Variants in TMEM132D observed in about 807,000 individuals in gnomAD.
TMEM132D encodes transmembrane protein 132D.
A neutral mutation model predicts 62.3 loss-of-function variants in TMEM132D; 21 were observed. The ratio of observed to expected loss-of-function variants is 0.34; its 90% confidence interval spans 0.24 to 0.49. TMEM132D has a LOEUF of 0.49. Ranked by LOEUF, TMEM132D falls within the 20% of genes least tolerant of loss-of-function variation. The pLI is 0.99. For synonymous variants in TMEM132D, 621 were observed against 575.6 expected, an observed-to-expected ratio of 1.08 and a Z score of -1.13; for missense variants, 1,346 against 1,402.8, an observed-to-expected ratio of 0.96 and a Z score of 0.65.
chr12:129,479,315 G>A (rs1379739079), intron 3 of TMEM132D, among the ~76,000 whole-genome samples: 3 of 152,116 alleles, frequency 2.0e-5, no homozygotes, highest in Non-Finnish European at 4.4e-5. Context: ...CAAATTTAAG[G>A]ATCCTGGGCT....
rs147884548 is a variant in TMEM132D at position 129,581,823 on chromosome 12, G to A, written c.969-50618C>T. On this transcript the variant is annotated intron_variant, in intron 2 of 8. Coordinates refer to ENST00000422113, the MANE Select transcript of TMEM132D (RefSeq NM_133448.3). The stretch of plus-strand genomic sequence containing the variant: ...ACTTTGCATCCTTCAATCCAATGAC[G>A]TTGGCAATATTAACCATCACACCAA... Among the ~76,000 whole-genome samples, 51 of 152,298 alleles carry A rather than the reference G, an allele frequency of 3.3e-4. No individual in the cohort carries two copies. In the East Asian group the frequency reaches 4.2e-3, roughly 13 times the overall value.
At chr12:129,483,641 A>G (rs1382102664) in intron 3 of TMEM132D, among the ~76,000 whole-genome samples, 1 of 152,216 alleles carries the variant, frequency 6.6e-6, no homozygotes, top group Non-Finnish European at 1.5e-5. Context: ...GTGAACACAA[A>G]CGCTGCCAGC....
intron 5 of TMEM132D, among the ~76,000 whole-genome samples, chr12:129,188,684 G>A (rs1202294618): frequency 6.8e-6 from 1 of 147,178 alleles, no homozygotes; most frequent in East Asian, 2.1e-4. Context: ...GATGAAACTA[G>A]ATGATTGATA....
At chr12:129,743,083 G>A (rs1446652716) in intron 1 of TMEM132D, among the ~76,000 whole-genome samples, 2 of 152,230 alleles carry the variant, frequency 1.3e-5, no homozygotes, top group African/African-American at 4.8e-5. Context: ...CTCATGGCCT[G>A]GGCCTTCCAT....
chr12:129,092,434 T>A (rs1342542471), intron 5 of TMEM132D, among the ~76,000 whole-genome samples: 1 of 152,018 alleles, frequency 6.6e-6, no homozygotes, highest in Non-Finnish European at 1.5e-5. Context: ...AGGTAGCACC[T>A]TTTTGTGCTT....
intron 3 of TMEM132D, among the ~76,000 whole-genome samples, chr12:129,489,489 A>C (rs1874692816): frequency 6.6e-6 from 1 of 152,262 alleles, no homozygotes; most frequent in African/African-American, 2.4e-5. Flanking sequence ...TGCCTACAAT[A>C]AAATGATAAA....
At chr12:129,456,743 C>T (rs1220095746) in intron 3 of TMEM132D, among the ~76,000 whole-genome samples, 1 of 152,168 alleles carries the variant, frequency 6.6e-6, no homozygotes, top group Admixed American at 6.6e-5. Context: ...TCATCCCAGT[C>T]CACTCTTGTT....
At chr12:129,336,370 G>A (rs962215355) in intron 4 of TMEM132D, among the ~76,000 whole-genome samples, 2 of 152,096 alleles carry the variant, frequency 1.3e-5, no homozygotes, top group African/African-American at 2.4e-5. Flanking sequence ...GAGGTCAAGA[G>A]TTCAAGACAA....
intron 1 of TMEM132D, among the ~76,000 whole-genome samples, chr12:129,899,328 G>A (rs1484818781): frequency 2.2e-5 from 3 of 134,960 alleles, no homozygotes; most frequent in Non-Finnish European, 4.7e-5. Context: ...TGGATGGATG[G>A]ATGGATGGAT....
In TMEM132D at chr12:129,366,221, G is replaced by A. The variant is rs570450602; in HGVS notation, c.1116-28404C>T. 1.6e-3 allele frequency among the ~76,000 whole-genome samples: 245 copies of A among 152,184 alleles called. 2 individuals carry two copies. Among genetic ancestry groups the A allele is most frequent in the Non-Finnish European group, 2.6e-3 (179 of 68,002 alleles). ...GTGTTATTGTTTGGTCTGTGTCCCC[G>A]CCCAAATCTCCTGTTGAATTGTAAT... is the stretch of plus-strand genomic sequence containing the variant. On this transcript the variant is annotated intron_variant, in intron 3 of 8. Coordinates refer to ENST00000422113, the MANE Select transcript of TMEM132D (RefSeq NM_133448.3).
At chr12:129,707,799 A>T (rs1881541677) in intron 1 of TMEM132D, among the ~76,000 whole-genome samples, 1 of 152,210 alleles carries the variant, frequency 6.6e-6, no homozygotes, top group African/African-American at 2.4e-5. Flanking sequence ...TGCAGGGGAA[A>T]CAGAATTCAA....
intron 1 of TMEM132D, among the ~76,000 whole-genome samples, chr12:129,754,566 G>A (rs1440732891): frequency 6.6e-6 from 1 of 152,136 alleles, no homozygotes; most frequent in Non-Finnish European, 1.5e-5. Flanking sequence ...ACATGGAAAG[G>A]TTAGTCATGG....
intron 2 of TMEM132D, among the ~76,000 whole-genome samples, chr12:129,699,429 T>C (rs1324840525): frequency 1.3e-5 from 2 of 152,256 alleles, no homozygotes; most frequent in Admixed American, 1.3e-4. Flanking sequence ...CTGACAACTG[T>C]TGCCATTTCA....
intron 3 of TMEM132D, among the ~76,000 whole-genome samples, chr12:129,438,034 C>T (rs1238816541): frequency 6.6e-6 from 1 of 151,944 alleles, no homozygotes; most frequent in Non-Finnish European, 1.5e-5. Flanking sequence ...ATGATGGTTT[C>T]CCCTTCATCC....
At chr12:129,797,189 G>T (rs1871588625) in intron 1 of TMEM132D, among the ~76,000 whole-genome samples, 1 of 152,166 alleles carries the variant, frequency 6.6e-6, no homozygotes, top group Non-Finnish European at 1.5e-5. Context: ...GGCTTCTGAG[G>T]ACACTGTCTT....
In TMEM132D at chr12:129,265,538, C is replaced by T. The variant is rs573333273; in HGVS notation, c.1300-55875G>A. 2.6e-5 allele frequency among the ~76,000 whole-genome samples: 4 copies of T among 152,220 alleles called. No individual in the cohort carries two copies. The East Asian group carries it at 5.9e-4, about 22-fold the overall frequency. ...CCTCTCCATTGCCCTGGGGGTAAGC[C>T]CCGGTGTCCCTCCCGGCCCTCATGG... is the stretch of plus-strand genomic sequence containing the variant. On this transcript the variant is annotated intron_variant, in intron 4 of 8. Transcript: ENST00000422113.
chr12:129,206,860 T>C (rs951062907), intron 5 of TMEM132D, among the ~76,000 whole-genome samples: 3 of 152,028 alleles, frequency 2.0e-5, no homozygotes, highest in Non-Finnish European at 1.5e-5. Context: ...GAAAACCAAA[T>C]ACTCCATGTT....
intron 1 of TMEM132D, among the ~76,000 whole-genome samples, chr12:129,758,917 T>C (rs1390405723): frequency 6.6e-6 from 1 of 151,894 alleles, no homozygotes; most frequent in East Asian, 1.9e-4. Flanking sequence ...TGGTGTGTGT[T>C]TAATTTCTTT....
intron 3 of TMEM132D, among the ~76,000 whole-genome samples, chr12:129,424,468 A>G (rs1017560539): frequency 6.6e-6 from 1 of 152,104 alleles, no homozygotes; most frequent in Admixed American, 6.5e-5. Flanking sequence ...CGGGAGGCCG[A>G]GACGGGCAGA....
Sources: allele counts gnomAD v4.1 joint callset (sites outside exome capture counted in the v4.1 genomes callset), GRCh38; gene constraint gnomAD v4.1.1; transcripts MANE v1.5; gene names NCBI Gene and HGNC (gene_info 2026-07-23, HGNC 2026-07-21).